PLEKHA6: variants seen among roughly 807,000 people sequenced by gnomAD.
PLEKHA6 encodes the protein pleckstrin homology domain-containing family A member 6.
PLEKHA6 carries 60 observed loss-of-function variants against 116.7 expected under a neutral mutation model. That is an observed-to-expected ratio of 0.51 (90% confidence interval 0.42 to 0.64). The LOEUF (loss-of-function observed/expected upper bound fraction) is 0.64. Among genes scored for constraint, PLEKHA6 ranks in the 30% least tolerant of loss-of-function variants. The probability of loss-of-function intolerance (pLI) is 0.00; values close to 1 mark genes in which losing one functional copy is unlikely to be tolerated. For missense variants in PLEKHA6, 1,338 were observed against 1,422.7 expected, an observed-to-expected ratio of 0.94 and a Z score of 0.96; for synonymous variants, 489 against 556.1, an observed-to-expected ratio of 0.88 and a Z score of 1.70.
In PLEKHA6 at chr1:204,324,452, C is replaced by G. The variant is rs758341770; in HGVS notation, c.-95+35242G>C. On this transcript the variant is annotated intron_variant, in intron 1 of 22. Transcript: ENST00000272203. ...GGCAGGGCTGGGCAATAGGAAACTC[C>G]AGCTCTGGCTACTTTGCAGCCCCCA... Among the ~76,000 whole-genome samples the G allele has an allele frequency of 7.2e-4, 110 of 152,258 alleles. 1 individual carries two copies. The highest frequency in any genetic ancestry group is 1.3e-3 in the Non-Finnish European group (89 of 68,026).
chr1:204,346,989 A>G, intron 1 of PLEKHA6: 1 of 1,297,570 alleles, frequency 7.7e-7, no homozygotes, highest in Non-Finnish European at 1.1e-6. Flanking sequence ...CAATACGCAC[A>G]TTAATTCTCT....
chr1:204,327,895 G>C (rs115907494), intron 1 of PLEKHA6, among the ~76,000 whole-genome samples: 1 of 152,188 alleles, frequency 6.6e-6, no homozygotes, highest in African/African-American at 2.4e-5. Flanking sequence ...TTTCCCATTT[G>C]AGGCATATCC....
At chr1:204,376,834 C>T (rs1673879338) in intron 1 of PLEKHA6, among the ~76,000 whole-genome samples, 1 of 152,194 alleles carries the variant, frequency 6.6e-6, no homozygotes, top group African/African-American at 2.4e-5. Flanking sequence ...CGCTGTGCTT[C>T]TAGACTTGCT....
At chr1:204,328,194 T>C (rs1284493738) in intron 1 of PLEKHA6, among the ~76,000 whole-genome samples, 1 of 151,496 alleles carries the variant, frequency 6.6e-6, no homozygotes, top group African/African-American at 2.4e-5. Flanking sequence ...GGGATTCTCC[T>C]ACCTCAGCCT....
chr1:204,223,419 C>G lies in PLEKHA6; in HGVS notation c.*8+43G>C, dbSNP rs774698504. 11 of 1,103,022 alleles carry G rather than the reference C, an allele frequency of 1.0e-5. No homozygotes were observed. The South Asian group carries it at 1.3e-4, about 13-fold the overall frequency. 68.3% of individuals were successfully genotyped at this position (1,103,022 alleles called of 1,614,324 possible). ...GGCTCAATGGGGGTGAAGGAAGGGGCCCCACTCCCGAGGTGGATGAAATAC... is the reference window on the plus strand; with the variant it reads ...GGCTCAATGGGGGTGAAGGAAGGGGGCCCACTCCCGAGGTGGATGAAATAC... On this transcript the variant is annotated intron_variant, in intron 22 of 22. Coordinates refer to ENST00000272203, the MANE Select transcript of PLEKHA6 (RefSeq NM_014935.5). The surrounding 1 kb of genome is among the most constrained non-coding windows in gnomAD (Gnocchi z 4.8).
intron 1 of PLEKHA6, among the ~76,000 whole-genome samples, chr1:204,348,749 T>C (rs1673167853): frequency 8.4e-6 from 1 of 119,580 alleles, no homozygotes; most frequent in Non-Finnish European, 1.6e-5. Flanking sequence ...CCTGCTGACC[T>C]TAGCCTGTGC....
At chr1:204,338,246 C>T (rs1453554460) in intron 1 of PLEKHA6, among the ~76,000 whole-genome samples, 1 of 152,214 alleles carries the variant, frequency 6.6e-6, no homozygotes, top group African/African-American at 2.4e-5. Flanking sequence ...TACTTTCCAG[C>T]TCTACCAAGG....
intron 18 of PLEKHA6, 118 bp from the exon 19 acceptor site, chr1:204,229,222 C>T: frequency 1.1e-6 from 1 of 938,162 alleles, no homozygotes; most frequent in Non-Finnish European, 1.6e-6. Context: ...CACCCCACTG[C>T]TCCCACCATA....
chr1:204,229,200 T>C, intron 18 of PLEKHA6, 96 bp from the exon 19 acceptor site: 1 of 1,190,138 alleles, frequency 8.4e-7, no homozygotes, highest in Admixed American at 2.0e-5. Flanking sequence ...CCAGCTCGCC[T>C]GATCTAGCTG....
At chr1:204,366,042 T>C (rs1673641380) in intron 3 of PLEKHA6, among the ~76,000 whole-genome samples, 1 of 151,870 alleles carries the variant, frequency 6.6e-6, no homozygotes. Context: ...GGGTTTGACA[T>C]GATGGTGGGA....
intron 1 of PLEKHA6, chr1:204,297,370 A>C: frequency 1.4e-5 from 3 of 208,204 alleles, no homozygotes; most frequent in Non-Finnish European, 2.5e-5. Context: ...GGTGTAAGGC[A>C]CTGGGCCTTA....
rs1256298592 is a variant in PLEKHA6, at chr1:204,221,844, T to C, written c.*944A>G. The C allele has an allele frequency of 6.6e-6, 1 of 152,662 alleles. No homozygotes were observed. The highest frequency in any genetic ancestry group is 1.5e-5 in the Non-Finnish European group (1 of 68,466). The allele number at this position is 152,662 out of a possible 1,614,324, so 9.5% of individuals were successfully genotyped here. On this transcript the variant is annotated 3_prime_UTR_variant, in exon 23 of 23. Coordinates refer to ENST00000272203, the MANE Select transcript of PLEKHA6 (RefSeq NM_014935.5). Reference sequence around the variant, plus strand: ...TCCACTGAGGCTGCATGTGCTCCACTGGTGGGTCCTCCTAGGGATGAGGTG... The same window carrying C: ...TCCACTGAGGCTGCATGTGCTCCACCGGTGGGTCCTCCTAGGGATGAGGTG...
intron 1 of PLEKHA6, among the ~76,000 whole-genome samples, chr1:204,334,390 T>C (rs1305176513): frequency 6.6e-6 from 1 of 152,202 alleles, no homozygotes; most frequent in African/African-American, 2.4e-5. Flanking sequence ...TGACATACAT[T>C]TGTGCTCCTC....
At chr1:204,290,019 A>G (rs1466728909) in intron 1 of PLEKHA6, among the ~76,000 whole-genome samples, 2 of 152,256 alleles carry the variant, frequency 1.3e-5, no homozygotes, top group African/African-American at 4.8e-5. Context: ...ACTATAAAAC[A>G]TTGCTGAAAG....
rs1173905531 is a variant in PLEKHA6, at chr1:204,238,413, G to A, written c.2409+2962C>T. On this transcript the variant is annotated intron_variant, in intron 17 of 22. Transcript: ENST00000272203. This position sits in a 1 kb window ranked among gnomAD's most constrained non-coding sequence, Gnocchi z 4.2. ...CTCTCCTTTTGAGAGACACCTGTTGGTCTGTTACTGGGCTTTGGTGGAAAC... is the reference window on the plus strand; with the variant it reads ...CTCTCCTTTTGAGAGACACCTGTTGATCTGTTACTGGGCTTTGGTGGAAAC... Among the ~76,000 whole-genome samples the A allele has an allele frequency of 6.6e-6, 1 of 152,174 alleles. No individual in the cohort carries two copies. Among genetic ancestry groups the A allele is most frequent in the East Asian group, 1.9e-4 (1 of 5,198 alleles).
At chr1:204,242,483 T>G (rs1362505154) in intron 15 of PLEKHA6, among the ~76,000 whole-genome samples, 1 of 152,246 alleles carries the variant, frequency 6.6e-6, no homozygotes, top group Non-Finnish European at 1.5e-5. Flanking sequence ...TCAAGGGTTA[T>G]GCAAATTATA....
intron 9 of PLEKHA6, among the ~76,000 whole-genome samples, chr1:204,254,447 T>A (rs1223799355): frequency 1.3e-5 from 2 of 151,800 alleles, no homozygotes; most frequent in Non-Finnish European, 2.9e-5. Context: ...CATTTAAAAT[T>A]TTTTTTTTCT....
chr1:204,259,821 A>T lies in PLEKHA6; in HGVS notation c.525-81T>A. 6.9e-7 allele frequency: 1 copy of T among 1,450,068 alleles called. No homozygotes were observed. Among genetic ancestry groups the T allele is most frequent in the Admixed American group, 2.2e-5 (1 of 45,258 alleles). 89.8% of individuals were successfully genotyped at this position (1,450,068 alleles called of 1,614,324 possible). ...CAGGGGGTGCCAGACTGGGAAGAAG[A>T]GGAGTGGGGAAGGATGGGCAGGGAG... On this transcript the variant is annotated intron_variant, in intron 7 of 22. Transcript: ENST00000272203. The surrounding 1 kb of genome is among the most constrained non-coding windows in gnomAD (Gnocchi z 4.6).
intron 5 of PLEKHA6, among the ~76,000 whole-genome samples, chr1:204,266,843 C>T (rs1666886708): frequency 6.6e-6 from 1 of 152,204 alleles, no homozygotes; most frequent in Admixed American, 6.5e-5. Flanking sequence ...ATGGCGCCAC[C>T]ATCACTGACC....
Sources: allele counts gnomAD v4.1 joint callset (sites outside exome capture counted in the v4.1 genomes callset), GRCh38; gene constraint gnomAD v4.1.1; non-coding constraint Gnocchi (gnomAD v3.1); transcripts MANE v1.5; gene names NCBI Gene and HGNC (gene_info 2026-07-23, HGNC 2026-07-21).